The following TBC1D16 variants were observed in gnomAD, a reference collection of about 807,000 sequenced individuals.
The protein encoded by TBC1D16 is TBC1 domain family member 16, also known as CTD-2529O21.1.
Under a neutral mutation model 74.7 loss-of-function variants are expected in TBC1D16, and 58 were observed. The ratio of observed to expected loss-of-function variants is 0.78; its 90% CI spans 0.63 to 0.97. The LOEUF (loss-of-function observed/expected upper bound fraction) is 0.97. TBC1D16 is among the 50% of genes least tolerant of loss of function. The pLI, the probability that TBC1D16 is intolerant of heterozygous loss-of-function variation, is 0.00. For synonymous variants in TBC1D16, 493 were observed against 474.7 expected (o/e 1.04, Z -0.50); for missense variants, 1,014 against 1,079.5 (o/e 0.94, Z 0.85).
In TBC1D16 at chr17:80,010,322, G is replaced by C; in HGVS notation, c.617C>G (p.Ala206Gly). 6.2e-7 allele frequency: 1 copy of C among 1,610,830 alleles called. No homozygotes were observed. The highest frequency in any genetic ancestry group is 8.5e-7 in the Non-Finnish European group (1 of 1,178,732). The change falls in exon 3 of 12, where the codon GCC (alanine) becomes GGC (glycine). Residue 206 changes from alanine (A) to glycine (G), a missense_variant. By Grantham distance (60) the Ala-to-Gly change is moderately conservative. Coordinates refer to ENST00000310924, the MANE Select transcript of TBC1D16 (RefSeq NM_019020.4). The surrounding 1 kb of genome is among the most constrained non-coding windows in gnomAD (Gnocchi z 8.8). ...TTCCAAAGAGCCATCCTCCTCCCCG[G>C]CCTCGGGCCGCGGCTCCCGCCCCTC... Reference protein sequence around the residue: ...TEEGREPRPEAGEEDGSLELS... With the variant: ...TEEGREPRPEGGEEDGSLELS...
In TBC1D16 at chr17:80,013,427, T is replaced by C; in HGVS notation, c.121A>G (p.Lys41Glu). The change falls in exon 2 of 12, where the codon AAG (lysine) becomes GAG (glutamate). Residue 41 changes from lysine to glutamate, a missense_variant. Transcript: ENST00000310924. The stretch of plus-strand genomic sequence containing the variant: ...GGCGGGTGCACGCAGACATTGTTCT[T>C]GGAGTAGATGATCTCTCCATCCAGG... The part of the protein sequence containing the change: ...SVLDGEIIYS[K>E]NNVCVHPPEG... The C allele has an allele frequency of 1.2e-6, 2 of 1,607,718 alleles. No homozygotes were observed. Among genetic ancestry groups the C allele is most frequent in the Middle Eastern group, 1.7e-4 (1 of 6,038 alleles).
chr17:79,936,898 G>C lies in TBC1D16; in HGVS notation c.*3961C>G, dbSNP rs2031634182. 7.7e-6 allele frequency: 1 copy of C among 129,204 alleles called. No homozygotes were observed. The highest frequency in any genetic ancestry group is 8.6e-5 in the Admixed American group (1 of 11,636). 8.0% of individuals were successfully genotyped at this position (129,204 alleles called of 1,614,324 possible). A position where few individuals can be genotyped will look rare whatever the true frequency, so the allele number is the denominator to read the frequency against. On this transcript the variant is annotated 3_prime_UTR_variant, in exon 12 of 12. Transcript: ENST00000310924. ...TGTGTGTGTGTGTGCATGCGTGCGT[G>C]TGTGCATGTGCGTGTGTGTGTGTGT...
At chr17:80,021,972 T>C (rs1462924781) in intron 1 of TBC1D16, among the ~76,000 whole-genome samples, 2 of 64,010 alleles carry the variant, frequency 3.1e-5, no homozygotes, top group Admixed American at 3.7e-4. Context: ...TGTTTGCCTT[T>C]TATTTATATT....
chr17:79,961,627 C>T lies in TBC1D16; in HGVS notation c.780-8809G>A, dbSNP rs534855783. On this transcript the variant is annotated intron_variant, in intron 3 of 11. Transcript: ENST00000310924. The surrounding 1 kb of genome is among the most constrained non-coding windows in gnomAD (Gnocchi z 4.8). ...CTATAATCCCAGCACTTTGGGAGGC[C>T]GAGGCTGGTGGATCACCTGAGGTCA... is the stretch of plus-strand genomic sequence containing the variant. Among the ~76,000 whole-genome samples the T allele has an allele frequency of 9.2e-5, 14 of 152,192 alleles. 1 individual carries two copies. The East Asian group carries it at 1.4e-3, about 15-fold the overall frequency.
At chr17:80,028,540 AG>A (rs201800111) in intron 1 of TBC1D16, among the ~76,000 whole-genome samples, 64 of 151,960 alleles carry the variant, frequency 4.2e-4, no homozygotes, top group African/African-American at 1.2e-3. Context: ...AAAAAGAAAA[AG>A]AAAAAAAAGA....
At chr17:79,989,251 C>G (rs1379848921) in intron 3 of TBC1D16, among the ~76,000 whole-genome samples, 1 of 152,212 alleles carries the variant, frequency 6.6e-6, no homozygotes, top group Non-Finnish European at 1.5e-5. Context: ...ATGACTTAAG[C>G]ACAGCAAAGT....
intron 3 of TBC1D16, among the ~76,000 whole-genome samples, chr17:79,964,707 T>C (rs1030213679): frequency 3.9e-5 from 6 of 152,204 alleles, no homozygotes; most frequent in African/African-American, 7.2e-5. Flanking sequence ...CTCAGTACTA[T>C]TGCTAAATTT....
Position 79,950,385 on chromosome 17 carries a change from GC to G in TBC1D16, c.1257+25del. 5 of 1,578,578 alleles carry G rather than the reference GC, an allele frequency of 3.2e-6. No individual in the cohort carries two copies. Among genetic ancestry groups the G allele is most frequent in the Non-Finnish European group, 4.3e-6 (5 of 1,162,830 alleles). ...CGGTTCCCGGCCGGCTCTCCGCGGGGCCAGCTGGGCGGACCCGGACCTCACC... is the reference window on the plus strand; with the variant it reads ...CGGTTCCCGGCCGGCTCTCCGCGGGGCAGCTGGGCGGACCCGGACCTCACC... On this transcript the variant is annotated intron_variant, in intron 6 of 11. Coordinates refer to ENST00000310924, the MANE Select transcript of TBC1D16 (RefSeq NM_019020.4). This position sits in a 1 kb window ranked among gnomAD's most constrained non-coding sequence, Gnocchi z 4.6.
rs1207339627 is a variant in TBC1D16, at chr17:79,944,326, T to A, written c.1908+582A>T. Among the ~76,000 whole-genome samples, 3 of 152,174 alleles carry A rather than the reference T, an allele frequency of 2.0e-5. No individual in the cohort carries two copies. In the East Asian group the frequency reaches 5.8e-4, roughly 29 times the overall value. ...AGAGACTTGCTTATCTTTTGACATC[T>A]CCAGCTTGTCCCTAGTTTGGGCGTT... is the stretch of plus-strand genomic sequence containing the variant. On this transcript the variant is annotated intron_variant, in intron 10 of 11. Coordinates refer to ENST00000310924, the MANE Select transcript of TBC1D16 (RefSeq NM_019020.4). The surrounding 1 kb of genome is among the most constrained non-coding windows in gnomAD (Gnocchi z 7.7).
At chr17:80,018,515 C>T (rs2036176367) in intron 1 of TBC1D16, among the ~76,000 whole-genome samples, 1 of 149,802 alleles carries the variant, frequency 6.7e-6, no homozygotes, top group Admixed American at 6.6e-5. Context: ...ATCTCCTGAC[C>T]TCGTGATCCG....
chr17:79,955,589 T>C (rs1171097753), intron 3 of TBC1D16, among the ~76,000 whole-genome samples: 1 of 152,260 alleles, frequency 6.6e-6, no homozygotes, highest in Non-Finnish European at 1.5e-5. Flanking sequence ...ATAATTTAGC[T>C]TGTTCATAAA....
chr17:79,948,811 A>G lies in TBC1D16; in HGVS notation c.1541+61T>C, dbSNP rs2032782308. ...CGCTGGGGGCTCATCCACTTCCCAG[A>G]GCGGTCAGGTGAGGCTTGCAGACTT... is the stretch of plus-strand genomic sequence containing the variant. On this transcript the variant is annotated intron_variant, in intron 8 of 11. Transcript: ENST00000310924. The G allele has an allele frequency of 1.9e-6, 3 of 1,607,812 alleles. No individual in the cohort carries two copies. In the East Asian group the frequency reaches 6.7e-5, roughly 36 times the overall value.
chr17:79,956,395 A>T lies in TBC1D16; in HGVS notation c.780-3577T>A, dbSNP rs2033339602. On this transcript the variant is annotated intron_variant, in intron 3 of 11. Coordinates refer to ENST00000310924, the MANE Select transcript of TBC1D16 (RefSeq NM_019020.4). The surrounding 1 kb of genome is among the most constrained non-coding windows in gnomAD (Gnocchi z 4.0). ...CAGTCTCCCAAGTAGCTGGGACTACAGGCACTCACCACCACATTTGGCTAA... is the reference window on the plus strand; with the variant it reads ...CAGTCTCCCAAGTAGCTGGGACTACTGGCACTCACCACCACATTTGGCTAA... Among the ~76,000 whole-genome samples, 1 of 152,194 alleles carries T rather than the reference A, an allele frequency of 6.6e-6. No homozygotes were observed. Among genetic ancestry groups the T allele is most frequent in the Non-Finnish European group, 1.5e-5 (1 of 68,038 alleles).
intron 9 of TBC1D16, among the ~76,000 whole-genome samples, chr17:79,946,907 C>T (rs1384258041): frequency 1.3e-5 from 2 of 152,248 alleles, no homozygotes; most frequent in Non-Finnish European, 2.9e-5. Context: ...GCGTCCTCTG[C>T]TCACAATGCC....
intron 1 of TBC1D16, among the ~76,000 whole-genome samples, chr17:80,021,772 A>G (rs1449361205): frequency 6.7e-6 from 1 of 148,278 alleles, no homozygotes; most frequent in Non-Finnish European, 1.5e-5. Context: ...ACACAACCCC[A>G]TAGGCACACA....
intron 3 of TBC1D16, among the ~76,000 whole-genome samples, chr17:79,969,497 G>A (rs190474687): frequency 7.2e-5 from 11 of 152,314 alleles, no homozygotes; most frequent in African/African-American, 2.6e-4. Flanking sequence ...TTGGTGAGGA[G>A]GTCCTAGAGA....
chr17:79,948,814 G>T, intron 8 of TBC1D16, 58 bp downstream of exon 8: 1 of 1,608,750 alleles, frequency 6.2e-7, no homozygotes, highest in South Asian at 1.1e-5. Flanking sequence ...TTCCCAGAGC[G>T]GTCAGGTGAG....
intron 1 of TBC1D16, among the ~76,000 whole-genome samples, chr17:80,023,658 C>G (rs917254592): frequency 6.4e-5 from 6 of 93,376 alleles, no homozygotes; most frequent in Admixed American, 2.9e-4. Flanking sequence ...TGCTGCCGGG[C>G]CCCCCCCCAC....
intron 4 of TBC1D16, 144 bp downstream of exon 4, chr17:79,952,513 C>T (rs1472771539): frequency 3.5e-5 from 37 of 1,052,008 alleles, no homozygotes; most frequent in East Asian, 1.1e-4. Context: ...ACAAGATCAG[C>T]GAGGGAGGAA....
Sources: gnomAD v4.1 joint callset for allele counts (sites outside exome capture counted in the v4.1 genomes callset) on GRCh38, gnomAD v4.1.1 for gene constraint, Gnocchi (gnomAD v3.1) non-coding constraint, MANE v1.5 for transcripts, NCBI Gene and HGNC (gene_info 2026-07-23, HGNC 2026-07-21) for gene names.